CACNA1E: variants seen among roughly 807,000 people sequenced by gnomAD.
CACNA1E encodes calcium voltage-gated channel subunit alpha1 E.
Under a neutral mutation model 259.2 loss-of-function variants are expected in CACNA1E, and 40 were observed. The ratio of observed to expected loss-of-function variants is 0.15; its 90% CI spans 0.12 to 0.20. The LOEUF is 0.20. CACNA1E is among the 10% of genes least tolerant of loss of function. The probability of loss-of-function intolerance (pLI) is 1.00; values close to 1 mark genes in which losing one functional copy is unlikely to be tolerated. For synonymous variants in CACNA1E, 1,104 were observed against 1,138.5 expected (o/e 0.97, Z 0.61); for missense variants, 1,874 against 3,040.1 (o/e 0.62, Z 9.02).
intron 2 of CACNA1E, among the ~76,000 whole-genome samples, chr1:181,473,164 G>GAAC (rs1662623836): frequency 6.6e-6 from 1 of 152,132 alleles, no homozygotes; most frequent in Non-Finnish European, 1.5e-5. Flanking sequence ...TTCTATGACT[G>GAAC]AACAACTATC....
At chr1:181,466,708 A>G (rs942394833) in intron 2 of CACNA1E, among the ~76,000 whole-genome samples, 1 of 152,178 alleles carries the variant, frequency 6.6e-6, no homozygotes, top group Non-Finnish European at 1.5e-5. Context: ...AATTCCTCCT[A>G]GGGATTTCCT....
chr1:181,450,032 C>T (rs1661051396), intron 2 of CACNA1E, among the ~76,000 whole-genome samples: 1 of 152,106 alleles, frequency 6.6e-6, no homozygotes, highest in African/African-American at 2.4e-5. Flanking sequence ...ATACAGGAAG[C>T]ATGGCTGGGG....
At chr1:181,409,007 G>A (rs183033202) in intron 1 of CACNA1E, among the ~76,000 whole-genome samples, 1 of 152,244 alleles carries the variant, frequency 6.6e-6, no homozygotes, top group East Asian at 1.9e-4. Context: ...TGTAGAACCT[G>A]CTTCCATGGG....
intron 3 of CACNA1E, among the ~76,000 whole-genome samples, chr1:181,570,164 C>CTT (rs56413214): frequency 3.4e-5 from 5 of 146,714 alleles, no homozygotes; most frequent in African/African-American, 1.0e-4. Flanking sequence ...CTGTAGTAGA[C>CTT]TTTTTTTTTT....
chr1:181,658,937 C>T (rs567719138), intron 7 of CACNA1E, among the ~76,000 whole-genome samples: 2 of 151,812 alleles, frequency 1.3e-5, no homozygotes, highest in Non-Finnish European at 2.9e-5. Flanking sequence ...CAGGAGGGGC[C>T]GTGGGTTCTC....
intron 2 of CACNA1E, among the ~76,000 whole-genome samples, chr1:181,432,244 C>A (rs1425161050): frequency 6.6e-6 from 1 of 152,090 alleles, no homozygotes; most frequent in African/African-American, 2.4e-5. Flanking sequence ...AAGAGACCTT[C>A]CTGAAGCCAA....
intron 1 of CACNA1E, among the ~76,000 whole-genome samples, chr1:181,344,269 C>T (rs1652412549): frequency 6.6e-6 from 1 of 152,226 alleles, no homozygotes; most frequent in African/African-American, 2.4e-5. Context: ...TTTCCACTAA[C>T]ACTGCTTGCT....
intron 1 of CACNA1E, among the ~76,000 whole-genome samples, chr1:181,366,756 G>C (rs998795654): frequency 2.0e-5 from 3 of 152,158 alleles, no homozygotes; most frequent in African/African-American, 7.2e-5. Context: ...AAAATGAAGA[G>C]GAAGCATATA....
At position 181,544,265 on chromosome 1, in the gene CACNA1E, G is replaced by A. The variant is rs1046167782; in HGVS notation, c.512+32755G>A. On this transcript the variant is annotated intron_variant, in intron 3 of 47. Coordinates refer to ENST00000367573, the MANE Select transcript of CACNA1E (RefSeq NM_001205293.3). Reference sequence around the variant, plus strand: ...TTCAGAATGAGCAAATCCATAAAGGGCGTACGATAGTTGTTACGAAAGGCT... The same window carrying A: ...TTCAGAATGAGCAAATCCATAAAGGACGTACGATAGTTGTTACGAAAGGCT... Among the ~76,000 whole-genome samples the A allele has an allele frequency of 3.3e-5, 5 of 152,274 alleles. No homozygotes were observed. In the East Asian group the frequency reaches 7.7e-4, roughly 24 times the overall value.
chr1:181,360,570 G>T (rs181976845), intron 1 of CACNA1E, among the ~76,000 whole-genome samples: 208 of 152,280 alleles, frequency 1.4e-3, no homozygotes, highest in Middle Eastern at 3.4e-3. Flanking sequence ...GACTAGGGGT[G>T]GGGGAGAATT....
chr1:181,388,583 G>T (rs931395140), intron 1 of CACNA1E, among the ~76,000 whole-genome samples: 3 of 152,086 alleles, frequency 2.0e-5, no homozygotes, highest in Non-Finnish European at 4.4e-5. Flanking sequence ...CATAGAAAAG[G>T]TACAATAAAA....
At chr1:181,678,300 A>T (rs897431810) in intron 7 of CACNA1E, among the ~76,000 whole-genome samples, 4 of 152,216 alleles carry the variant, frequency 2.6e-5, no homozygotes, top group Non-Finnish European at 5.9e-5. Flanking sequence ...ATTGGATATC[A>T]GGATGCATGT....
chr1:181,701,521 A>G (rs986134342), intron 7 of CACNA1E, among the ~76,000 whole-genome samples: 4 of 152,236 alleles, frequency 2.6e-5, no homozygotes, highest in African/African-American at 9.6e-5. Flanking sequence ...AGAAAGCAGC[A>G]TGTACACCTC....
chr1:181,669,884 G>T (rs1648621646), intron 7 of CACNA1E, among the ~76,000 whole-genome samples: 1 of 152,124 alleles, frequency 6.6e-6, no homozygotes, highest in Admixed American at 6.5e-5. Flanking sequence ...ATTACATCGA[G>T]AAAGAGGGAA....
At chr1:181,545,541 G>T (rs1647355264) in intron 3 of CACNA1E, among the ~76,000 whole-genome samples, 1 of 152,128 alleles carries the variant, frequency 6.6e-6, no homozygotes, top group Non-Finnish European at 1.5e-5. Context: ...CCTCCCACGT[G>T]AGGGTGTGGT....
At chr1:181,501,720 A>AAGAGAG (rs58336251) in intron 1 of CACNA1E, among the ~76,000 whole-genome samples, 4,233 of 149,864 alleles carry the variant, frequency 0.028, 119 homozygotes, top group East Asian at 0.13. Context: ...AGGAGTGGGG[A>AAGAGAG]AGAGAGAGAG....
At position 181,367,025 on chromosome 1, in the gene CACNA1E, G is replaced by A. The variant is rs541212173; in HGVS notation, c.-14-46108G>A. On this transcript the variant is annotated intron_variant, in intron 1 of 11. Transcript: ENST00000524607. Reference sequence around the variant, plus strand: ...GTGAAGGAGGCCTTCCCTGCCTAACGTGTCCTATTAGCTACTTTGGGAGCT... The same window carrying A: ...GTGAAGGAGGCCTTCCCTGCCTAACATGTCCTATTAGCTACTTTGGGAGCT... Among the ~76,000 whole-genome samples, 16 of 152,280 alleles carry A rather than the reference G, an allele frequency of 1.1e-4. 1 individual carries two copies. Among genetic ancestry groups the A allele is most frequent in the African/African-American group, 2.9e-4 (12 of 41,552 alleles).
chr1:181,599,449 T>C (rs1458208010), intron 6 of CACNA1E, among the ~76,000 whole-genome samples: 2 of 152,232 alleles, frequency 1.3e-5, no homozygotes, highest in African/African-American at 4.8e-5. Context: ...ATCTTAATTG[T>C]TACTTCCTTA....
intron 5 of CACNA1E, among the ~76,000 whole-genome samples, chr1:181,579,792 G>A (rs375516292): frequency 6.6e-6 from 1 of 152,216 alleles, no homozygotes; most frequent in African/African-American, 2.4e-5. Context: ...GGAGTCCAGA[G>A]TCAGAGTTGG....
Sources: gnomAD v4.1 joint callset for allele counts (sites outside exome capture counted in the v4.1 genomes callset) on GRCh38, gnomAD v4.1.1 for gene constraint, MANE v1.5 for transcripts, NCBI Gene and HGNC (gene_info 2026-07-23, HGNC 2026-07-21) for gene names.